NEXMIF: variants seen among roughly 807,000 people sequenced by gnomAD.
NEXMIF encodes the protein XLMR protein related to neurite extension.
In NEXMIF, 8 loss-of-function variants were observed where a neutral mutation model predicts 62.1. That is an observed-to-expected ratio of 0.13 (90% CI 0.08 to 0.23). The LOEUF is 0.23. NEXMIF is among the 10% of genes least tolerant of loss of function. NEXMIF has a pLI of 1.00. For synonymous variants in NEXMIF, 404 were observed against 416.6 expected (o/e 0.97, Z 0.37); for missense variants, 976 against 1,113.3 (o/e 0.88, Z 1.75).
Position 74,752,676 on chromosome X carries a change from T to C in NEXMIF, c.-47-6979A>G, listed in dbSNP as rs1460203495. On this transcript the variant is annotated intron_variant, in intron 1 of 3. Transcript: ENST00000055682. ...GGGTAGAAAGAACAAGCAGAGGCAC[T>C]ATTAGGTTCAAGTCAAGAATAGCCA... is the stretch of plus-strand genomic sequence containing the variant. Among the ~76,000 whole-genome samples, 7 of 111,856 alleles carry C rather than the reference T, an allele frequency of 6.3e-5. No individual in the cohort carries two copies. The Admixed American group carries it at 6.7e-4, about 11-fold the overall frequency.
At chrX:74,820,918 G>A (rs1569349613) in intron 1 of NEXMIF, among the ~76,000 whole-genome samples, 1 of 111,105 alleles carries the variant, frequency 9.0e-6, no homozygotes, top group Non-Finnish European at 1.9e-5. Flanking sequence ...CGAGTACTAT[G>A]TTCACTGCCT....
intron 1 of NEXMIF, among the ~76,000 whole-genome samples, chrX:74,859,740 A>G (rs1432748531): frequency 9.0e-6 from 1 of 111,485 alleles, no homozygotes; most frequent in Non-Finnish European, 1.9e-5. Flanking sequence ...AGAAACAACA[A>G]AAAGTTAAAA....
At position 74,873,007 on chromosome X, in the gene NEXMIF, T is replaced by C. The variant is rs1225275084; in HGVS notation, c.-48+51876A>G. On this transcript the variant is annotated intron_variant, in intron 1 of 3. Transcript: ENST00000055682. ...TTAATTAATTAATTTATTATTATTA[T>C]ACTTTAAGTTTTAGGATACATGTGC... is the stretch of plus-strand genomic sequence containing the variant. Among the ~76,000 whole-genome samples, 6 of 109,876 alleles carry C rather than the reference T, an allele frequency of 5.5e-5. No homozygotes were observed. In the East Asian group the frequency reaches 1.1e-3, roughly 21 times the overall value.
At chrX:74,891,660 G>T (rs933211159) in intron 1 of NEXMIF, among the ~76,000 whole-genome samples, 2 of 111,903 alleles carry the variant, frequency 1.8e-5, no homozygotes, top group Admixed American at 9.5e-5. Context: ...AAATTAGGGG[G>T]TGGTTCAGAA....
intron 1 of NEXMIF, among the ~76,000 whole-genome samples, chrX:74,864,379 T>G (rs1170633423): frequency 8.9e-6 from 1 of 112,124 alleles, no homozygotes. Flanking sequence ...TTCAGCAAAG[T>G]CTTAGTGATA....
chrX:74,803,428 C>T (rs956699573), intron 1 of NEXMIF, among the ~76,000 whole-genome samples: 18 of 110,476 alleles, frequency 1.6e-4, no homozygotes, highest in Non-Finnish European at 3.0e-4. Context: ...AGTAGCCAGG[C>T]GTGGTGGCAG....
intron 1 of NEXMIF, among the ~76,000 whole-genome samples, chrX:74,763,936 T>G (rs2080186144): frequency 9.0e-6 from 1 of 111,731 alleles, no homozygotes. Flanking sequence ...GACTTCCTCT[T>G]TTCCTAATTG....
At chrX:74,854,832 T>C (rs2080528912) in intron 1 of NEXMIF, among the ~76,000 whole-genome samples, 1 of 111,392 alleles carries the variant, frequency 9.0e-6, no homozygotes, top group Non-Finnish European at 1.9e-5. Flanking sequence ...GTTACAAAAA[T>C]AAAATACCTA....
intron 1 of NEXMIF, among the ~76,000 whole-genome samples, chrX:74,810,250 T>C (rs938517369): frequency 1.8e-5 from 2 of 111,834 alleles, no homozygotes; most frequent in African/African-American, 6.5e-5. Context: ...TAATAAATGC[T>C]AGACTTCAAG....
At position 74,734,262 on chromosome X, in the gene NEXMIF, CTT is replaced by C. The variant is rs1352674333; in HGVS notation, c.*5141_*5142del. ...AGAAAAAAATGGGAATAATCATTTT[CTT>C]TAGCACCATAAATCAGCAACTTACT... is the stretch of plus-strand genomic sequence containing the variant. On this transcript the variant is annotated 3_prime_UTR_variant, in exon 4 of 4. Transcript: ENST00000055682. The C allele has an allele frequency of 3.6e-5, 4 of 111,882 alleles. No homozygotes were observed. Among genetic ancestry groups the C allele is most frequent in the Non-Finnish European group, 7.5e-5 (4 of 53,100 alleles). 9.2% of individuals were successfully genotyped at this position (111,882 alleles called of 1,213,427 possible). A position where few individuals can be genotyped will look rare whatever the true frequency, so the allele number is the denominator to read the frequency against.
chrX:74,762,521 T>C (rs2080180066), intron 1 of NEXMIF, among the ~76,000 whole-genome samples: 1 of 111,702 alleles, frequency 9.0e-6, no homozygotes, highest in Non-Finnish European at 1.9e-5. Flanking sequence ...TAGTTCTAGA[T>C]CCCTGAGGAA....
chrX:74,834,970 T>C (rs1438424230), intron 1 of NEXMIF, among the ~76,000 whole-genome samples: 1 of 111,873 alleles, frequency 8.9e-6, no homozygotes, highest in African/African-American at 3.3e-5. Flanking sequence ...TTTCTAGATA[T>C]TGTAGGTGTG....
chrX:74,808,470 A>G (rs1166813898), intron 1 of NEXMIF, among the ~76,000 whole-genome samples: 1 of 111,873 alleles, frequency 8.9e-6, no homozygotes, highest in Non-Finnish European at 1.9e-5. Context: ...TTAATTTGAT[A>G]ATCTTTTACT....
intron 1 of NEXMIF, among the ~76,000 whole-genome samples, chrX:74,764,874 T>A (rs2080190066): frequency 8.9e-6 from 1 of 112,144 alleles, no homozygotes; most frequent in South Asian, 3.7e-4. Context: ...ATGCGCCATG[T>A]GGCAGTGAGA....
intron 1 of NEXMIF, among the ~76,000 whole-genome samples, chrX:74,899,037 T>G (rs1357580485): frequency 9.0e-6 from 1 of 111,532 alleles, no homozygotes; most frequent in Admixed American, 9.5e-5. Context: ...AATGTTAAGA[T>G]GTAAATACCA....
intron 1 of NEXMIF, among the ~76,000 whole-genome samples, chrX:74,843,666 A>C (rs546863670): frequency 4.5e-5 from 5 of 111,652 alleles, no homozygotes; most frequent in African/African-American, 1.6e-4. Flanking sequence ...CGCCTGCCTC[A>C]GCCTCCCAAA....
chrX:74,749,636 C>G (rs1379958298), intron 1 of NEXMIF, among the ~76,000 whole-genome samples: 1 of 110,771 alleles, frequency 9.0e-6, no homozygotes, highest in Non-Finnish European at 1.9e-5. Flanking sequence ...CCCAACCTCC[C>G]TTTCACCTCT....
At chrX:74,784,365 G>A (rs1300105985) in intron 1 of NEXMIF, among the ~76,000 whole-genome samples, 1 of 111,383 alleles carries the variant, frequency 9.0e-6, no homozygotes, top group Admixed American at 9.6e-5. Context: ...AAAGTACAAT[G>A]TGAAACTGAT....
At chrX:74,793,514 G>T (rs867471410) in intron 1 of NEXMIF, among the ~76,000 whole-genome samples, 51 of 110,987 alleles carry the variant, frequency 4.6e-4, no homozygotes, top group African/African-American at 1.5e-3. Flanking sequence ...TGAATCTGAA[G>T]GTTGGACTGC....
Sources: gnomAD v4.1 joint callset for allele counts (sites outside exome capture counted in the v4.1 genomes callset) on GRCh38, gnomAD v4.1.1 for gene constraint, MANE v1.5 for transcripts, NCBI Gene and HGNC (gene_info 2026-07-23, HGNC 2026-07-21) for gene names.